ZNF18: variants seen among roughly 807,000 people sequenced by gnomAD.
ZNF18 encodes the protein heart development-specific gene 1 protein.
ZNF18 carries 42 observed loss-of-function variants against 58.1 expected under a neutral mutation model. The observed-to-expected ratio is 0.72, with a 90% confidence interval of 0.56 to 0.93. The LOEUF is 0.93. Ranked by LOEUF, ZNF18 falls within the 40% of genes least tolerant of loss-of-function variation. The pLI is 0.00. For synonymous variants in ZNF18, 231 were observed against 239.8 expected (o/e 0.96, Z 0.34); for missense variants, 540 against 644.2 (o/e 0.84, Z 1.75).
the ZNF18 span, among the ~76,000 whole-genome samples, chr17:12,015,186 A>G: frequency 1.4e-4 from 22 of 152,346 alleles, no homozygotes; most frequent in Non-Finnish European, 2.9e-4. Context: ...TTGTTACCTA[A>G]TCTCAAAAGC....
intron 1 of ZNF18, chr17:11,996,675 A>T (rs951392509): frequency 2.0e-5 from 3 of 152,220 alleles, no homozygotes. Context: ...TGAATTTTTA[A>T]AAGTGCATTC....
chr17:12,015,842 C>T, the ZNF18 span, among the ~76,000 whole-genome samples: 2 of 151,862 alleles, frequency 1.3e-5, no homozygotes, highest in Admixed American at 6.6e-5. Context: ...AGGCTGGAGT[C>T]CAGCAGCGCG....
the ZNF18 span, among the ~76,000 whole-genome samples, chr17:12,009,916 G>GA: frequency 2.0e-5 from 3 of 152,170 alleles, no homozygotes; most frequent in Admixed American, 6.5e-5. Context: ...TGAGATGGTA[G>GA]AAAAAAGTGC....
At chr17:12,010,576 C>T in the ZNF18 span, among the ~76,000 whole-genome samples, 1 of 152,090 alleles carries the variant, frequency 6.6e-6, no homozygotes, top group African/African-American at 2.4e-5. Flanking sequence ...TCACCACGCC[C>T]AGCTAATTTT....
chr17:11,987,847 C>T (rs1041159275), intron 4 of ZNF18, among the ~76,000 whole-genome samples: 4 of 152,258 alleles, frequency 2.6e-5, no homozygotes, highest in East Asian at 1.9e-4. Context: ...TGCCACCTCC[C>T]CATCCACCTT....
At chr17:11,994,669 T>G (rs965020250) in intron 1 of ZNF18, among the ~76,000 whole-genome samples, 1 of 151,796 alleles carries the variant, frequency 6.6e-6, no homozygotes, top group African/African-American at 2.4e-5. Flanking sequence ...GTGAAACCCC[T>G]TCTCTACTAA....
intron 6 of ZNF18, among the ~76,000 whole-genome samples, chr17:11,980,239 G>A (rs976105383): frequency 2.6e-5 from 4 of 151,972 alleles, no homozygotes; most frequent in South Asian, 2.1e-4. Context: ...GATGAAAAGT[G>A]GTTTTTCATT....
At chr17:11,991,510 T>C (rs1216420589) in intron 2 of ZNF18, among the ~76,000 whole-genome samples, 2 of 152,174 alleles carry the variant, frequency 1.3e-5, no homozygotes, top group Non-Finnish European at 2.9e-5. Context: ...CAATCCTCAA[T>C]AGCTAAAGAG....
chr17:12,018,778 A>G, the ZNF18 span, among the ~76,000 whole-genome samples: 4 of 152,164 alleles, frequency 2.6e-5, no homozygotes, highest in Non-Finnish European at 5.9e-5. Context: ...CTAGTTTACA[A>G]TACCAACAGC....
intron 3 of ZNF18, among the ~76,000 whole-genome samples, 188 bp downstream of exon 3, chr17:11,990,786 C>A (rs1968066775): frequency 6.6e-6 from 1 of 152,150 alleles, no homozygotes; most frequent in Admixed American, 6.5e-5. Flanking sequence ...ATGGTCTGGC[C>A]CAGTCATAAA....
At chr17:12,001,899 A>T (rs1189048825), upstream of ZNF18, among the ~76,000 whole-genome samples, 1 of 152,110 alleles carries the variant, frequency 6.6e-6, no homozygotes, top group African/African-American at 2.4e-5. Context: ...AAGCACATGC[A>T]CTCCAAAATT....
chr17:12,003,224 G>C, the ZNF18 span, among the ~76,000 whole-genome samples: 1 of 152,130 alleles, frequency 6.6e-6, no homozygotes, highest in Admixed American at 6.5e-5. Context: ...GGAATCACAA[G>C]GTCAGGTGTT....
intron 4 of ZNF18, among the ~76,000 whole-genome samples, chr17:11,988,512 C>T (rs930976765): frequency 6.6e-6 from 1 of 152,122 alleles, no homozygotes; most frequent in African/African-American, 2.4e-5. Flanking sequence ...AGAGCGTCCC[C>T]GCAAAGTCTG....
the ZNF18 span, chr17:12,010,855 ACTTTT>A: frequency 6.2e-6 from 3 of 481,596 alleles, no homozygotes; most frequent in Non-Finnish European, 1.1e-5. Context: ...AACCCCAGGT[ACTTTT>A]CTCTTTGTCT....
upstream of ZNF18, among the ~76,000 whole-genome samples, chr17:12,000,923 C>T (rs1968644778): frequency 6.6e-6 from 1 of 152,094 alleles, no homozygotes; most frequent in Admixed American, 6.6e-5. Context: ...CAAATATAGA[C>T]AAGTCATTCA....
chr17:12,002,625 CCT>C, the ZNF18 span, among the ~76,000 whole-genome samples: 1 of 152,076 alleles, frequency 6.6e-6, no homozygotes, highest in East Asian at 1.9e-4. Context: ...CATACTCTGC[CCT>C]CTGTCTGCTG....
At chr17:12,010,063 C>T in the ZNF18 span, among the ~76,000 whole-genome samples, 2 of 152,022 alleles carry the variant, frequency 1.3e-5, no homozygotes, top group Admixed American at 1.3e-4. Flanking sequence ...ATTGTGGTGC[C>T]TGTCGAGAAT....
the ZNF18 span, among the ~76,000 whole-genome samples, chr17:12,003,433 CTGTCT>C: frequency 7.0e-6 from 1 of 142,664 alleles, no homozygotes. Context: ...GTGTGAGACT[CTGTCT>C]CAAAAAAAAA....
the ZNF18 span, among the ~76,000 whole-genome samples, chr17:12,019,378 C>T: frequency 1.3e-5 from 2 of 149,976 alleles, no homozygotes; most frequent in African/African-American, 4.9e-5. Flanking sequence ...TGTAGTGCTG[C>T]TTCTAGGATT....
Sources: gnomAD v4.1 joint callset for allele counts (sites outside exome capture counted in the v4.1 genomes callset) on GRCh38, gnomAD v4.1.1 for gene constraint, MANE v1.5 for transcripts, NCBI Gene and HGNC (gene_info 2026-07-23, HGNC 2026-07-21) for gene names.